PRR16: variants seen among roughly 807,000 people sequenced by gnomAD.
PRR16 encodes the protein proline rich 16, also known as protein Largen.
In PRR16, 6 loss-of-function variants were observed where a neutral mutation model predicts 18.2. The observed-to-expected ratio is 0.33, with a 90% confidence interval of 0.18 to 0.65. The LOEUF (loss-of-function observed/expected upper bound fraction) is 0.65, where lower values mean the gene tolerates loss of function less well. PRR16 is among the 30% of genes least tolerant of loss of function. PRR16 has a pLI of 0.74. For synonymous variants in PRR16, 151 were observed against 147.8 expected (o/e 1.02, Z -0.16); for missense variants, 412 against 376.6 (o/e 1.09, Z -0.78).
intron 1 of PRR16, among the ~76,000 whole-genome samples, chr5:120,507,139 A>G (rs1750673032): frequency 6.6e-6 from 1 of 152,160 alleles, no homozygotes; most frequent in South Asian, 2.1e-4. Context: ...GAATATATCT[A>G]GAATCCCTAA....
At chr5:120,666,048 C>T (rs1238648368) in intron 1 of PRR16, among the ~76,000 whole-genome samples, 37 of 151,902 alleles carry the variant, frequency 2.4e-4, no homozygotes, top group African/African-American at 8.5e-4. Flanking sequence ...TTACCTTGGG[C>T]AGTATGGCCA....
chr5:120,726,851 C>G, the PRR16 span, among the ~76,000 whole-genome samples: 82 of 152,166 alleles, frequency 5.4e-4, no homozygotes, highest in African/African-American at 1.9e-3. Flanking sequence ...TTGAGTATCT[C>G]CATGGCAAAC....
intron 1 of PRR16, among the ~76,000 whole-genome samples, chr5:120,516,041 A>G (rs1428550266): frequency 4.6e-5 from 7 of 152,150 alleles, no homozygotes; most frequent in East Asian, 1.9e-4. Flanking sequence ...CCCTCTTTTT[A>G]GTACAACTGC....
At chr5:120,519,346 T>C (rs1751098710) in intron 1 of PRR16, among the ~76,000 whole-genome samples, 1 of 152,112 alleles carries the variant, frequency 6.6e-6, no homozygotes, top group East Asian at 1.9e-4. Context: ...AAAAATGATA[T>C]TCTGTATAGT....
chr5:120,632,003 C>T (rs1755074050), intron 1 of PRR16, among the ~76,000 whole-genome samples: 1 of 152,186 alleles, frequency 6.6e-6, no homozygotes, highest in African/African-American at 2.4e-5. Context: ...ACTACCTCCA[C>T]TGGAGCAGGT....
At chr5:120,734,820 G>A in the PRR16 span, among the ~76,000 whole-genome samples, 1 of 152,134 alleles carries the variant, frequency 6.6e-6, no homozygotes, top group Admixed American at 6.5e-5. Context: ...ATAGCATATT[G>A]AATATCGGTA....
At chr5:120,617,070 T>A in intron 1 of PRR16, 2 of 970,770 alleles carry the variant, frequency 2.1e-6, no homozygotes, top group Non-Finnish European at 2.4e-6. Flanking sequence ...AACTATTTTT[T>A]AAAGTTTTCT....
chr5:120,512,449 T>G lies in PRR16; in HGVS notation c.159+47804T>G, dbSNP rs532245993. ...TCTGAGATGAGGTGACATCTCTTGCTCTGAGAGGCCTGCTTCTGACCGTTA... is the reference window on the plus strand; with the variant it reads ...TCTGAGATGAGGTGACATCTCTTGCGCTGAGAGGCCTGCTTCTGACCGTTA... On this transcript the variant is annotated intron_variant, in intron 1 of 1. Coordinates refer to ENST00000407149, the MANE Select transcript of PRR16 (RefSeq NM_001300783.2). Among the ~76,000 whole-genome samples the G allele has an allele frequency of 7.2e-5, 11 of 152,244 alleles. No individual in the cohort carries two copies. The East Asian group carries it at 2.1e-3, about 29-fold the overall frequency.
At chr5:120,717,710 A>G in the PRR16 span, among the ~76,000 whole-genome samples, 1 of 152,182 alleles carries the variant, frequency 6.6e-6, no homozygotes, top group Non-Finnish European at 1.5e-5. Context: ...TTGATGTAAT[A>G]TCCTCCCTCA....
the PRR16 span, among the ~76,000 whole-genome samples, chr5:120,700,131 G>T: frequency 6.6e-6 from 1 of 152,062 alleles, no homozygotes; most frequent in East Asian, 1.9e-4. Flanking sequence ...AGAGTATATG[G>T]GTTTGGCACC....
At chr5:120,684,784 A>G (rs1757070196) in intron 1 of PRR16, among the ~76,000 whole-genome samples, 1 of 152,190 alleles carries the variant, frequency 6.6e-6, no homozygotes, top group South Asian at 2.1e-4. Flanking sequence ...ACTCCCCAGT[A>G]TCCTTGCCAA....
chr5:120,615,384 C>CTTTTTTTTTTTTTTTTTTTTTTTTTTTTT (rs10717083), intron 1 of PRR16, among the ~76,000 whole-genome samples: 2 of 119,486 alleles, frequency 1.7e-5, no homozygotes, highest in African/African-American at 3.1e-5. Flanking sequence ...TCTTTCTTTT[C>CTTTTTTTTTTTTTTTTTTTTTTTTTTTTT]TTTTTTTTTT....
chr5:120,781,047 T>C, the PRR16 span, among the ~76,000 whole-genome samples: 1 of 152,308 alleles, frequency 6.6e-6, no homozygotes, highest in Non-Finnish European at 1.5e-5. Context: ...AGACTCCATC[T>C]CAGAAATATC....
At chr5:120,534,993 G>A (rs1279029681) in intron 1 of PRR16, among the ~76,000 whole-genome samples, 6 of 152,104 alleles carry the variant, frequency 3.9e-5, no homozygotes, top group African/African-American at 1.4e-4. Flanking sequence ...ATCGTGAGGA[G>A]TAACATACAT....
chr5:120,661,299 T>C (rs1006971938), intron 1 of PRR16, among the ~76,000 whole-genome samples: 1 of 152,130 alleles, frequency 6.6e-6, no homozygotes, highest in Admixed American at 6.6e-5. Context: ...TCCTGTCTTT[T>C]GATGTTGCTC....
chr5:120,717,625 A>C, the PRR16 span, among the ~76,000 whole-genome samples: 2 of 152,172 alleles, frequency 1.3e-5, no homozygotes, highest in Non-Finnish European at 2.9e-5. Flanking sequence ...ATAATCTAGA[A>C]AGATGATGGC....
In PRR16 at chr5:120,478,434, T is replaced by G. The variant is rs143844673; in HGVS notation, c.159+13789T>G. ...CATTCAACTCAACCCATGTTCTTGT[T>G]TTTTGGAATAGACAAAGGATCTCTC... is the stretch of plus-strand genomic sequence containing the variant. On this transcript the variant is annotated intron_variant, in intron 1 of 1. Transcript: ENST00000407149. 7.4e-3 allele frequency among the ~76,000 whole-genome samples: 1,134 copies of G among 152,270 alleles called. 21 individuals carry two copies. The highest frequency in any genetic ancestry group is 0.026 in the African/African-American group (1,088 of 41,552).
At chr5:120,468,541 A>T (rs1749173870) in intron 1 of PRR16, among the ~76,000 whole-genome samples, 1 of 152,200 alleles carries the variant, frequency 6.6e-6, no homozygotes, top group African/African-American at 2.4e-5. Context: ...CTGGTAGAGT[A>T]GGTGTGAGTG....
rs576684714 is a variant in PRR16 at position 120,578,654 on chromosome 5, A to G, written c.160-107300A>G. ...TCTTTATCCAGTCTATCATTGATGG[A>G]CATTTGGGTTTGTTCCATGTATTTG... is the stretch of plus-strand genomic sequence containing the variant. On this transcript the variant is annotated intron_variant, in intron 1 of 1. Coordinates refer to ENST00000407149, the MANE Select transcript of PRR16 (RefSeq NM_001300783.2). Among the ~76,000 whole-genome samples, 7 of 152,224 alleles carry G rather than the reference A, an allele frequency of 4.6e-5. No individual in the cohort carries two copies. In the South Asian group the frequency reaches 1.4e-3, roughly 32 times the overall value.
Sources: allele counts gnomAD v4.1 joint callset (sites outside exome capture counted in the v4.1 genomes callset), GRCh38; gene constraint gnomAD v4.1.1; transcripts MANE v1.5; gene names NCBI Gene and HGNC (gene_info 2026-07-23, HGNC 2026-07-21).